Variants in DRD2 observed in about 807,000 individuals in gnomAD.
DRD2 encodes D(2) dopamine receptor.
A neutral mutation model predicts 38.0 loss-of-function variants in DRD2; 8 were observed. The observed-to-expected ratio is 0.21, with a 90% CI of 0.12 to 0.38. DRD2 has a LOEUF of 0.38. Ranked by LOEUF, DRD2 falls within the 10% of genes least tolerant of loss-of-function variation. The probability of loss-of-function intolerance (pLI) is 1.00; values close to 1 mark genes in which losing one functional copy is unlikely to be tolerated. For missense variants in DRD2, 403 were observed against 607.7 expected (o/e 0.66, Z 3.54); for synonymous variants, 230 against 238.6 (o/e 0.96, Z 0.33).
chr11:113,426,264 G>T (rs373117595), intron 1 of DRD2, among the ~76,000 whole-genome samples: 143 of 152,146 alleles, frequency 9.4e-4, no homozygotes, highest in African/African-American at 3.1e-3. Context: ...GCTCTGGGAG[G>T]CTGGTGTCGC....
At chr11:113,429,750 A>C (rs1373304801) in intron 1 of DRD2, among the ~76,000 whole-genome samples, 1 of 152,188 alleles carries the variant, frequency 6.6e-6, no homozygotes, top group Non-Finnish European at 1.5e-5. Context: ...TGCTAGTATA[A>C]CATTCGAGTT....
At chr11:113,439,646 C>T (rs575928160) in intron 1 of DRD2, among the ~76,000 whole-genome samples, 153 of 151,608 alleles carry the variant, frequency 1.0e-3, no homozygotes, top group African/African-American at 3.0e-3. Context: ...TCGAGACCAG[C>T]CTGGCCAACA....
chr11:113,414,259 G>A (rs1285893076), intron 6 of DRD2, 116 bp downstream of exon 6: 2 of 944,124 alleles, frequency 2.1e-6, no homozygotes, highest in South Asian at 1.3e-5. Flanking sequence ...GAGGCAAGGT[G>A]GGGGTTTCTG....
intron 1 of DRD2, among the ~76,000 whole-genome samples, chr11:113,452,064 T>C (rs764169356): frequency 7.0e-4 from 106 of 152,244 alleles, no homozygotes; most frequent in Admixed American, 1.2e-3. Flanking sequence ...CCAAGAGGCC[T>C]GCAGGAAAGC....
chr11:113,450,318 C>T (rs1265278593), intron 1 of DRD2, among the ~76,000 whole-genome samples: 1 of 152,168 alleles, frequency 6.6e-6, no homozygotes, highest in African/African-American at 2.4e-5. Flanking sequence ...CATTGTTGTG[C>T]TTTTTGAAGG....
At chr11:113,413,033 A>T (rs1391599486) in intron 6 of DRD2, 150 bp from the exon 7 acceptor site, 18 of 914,670 alleles carry the variant, frequency 2.0e-5, no homozygotes, top group African/African-American at 3.3e-5. Context: ...TCACTGAGGC[A>T]TGGGACCCAG....
At chr11:113,444,180 C>A (rs1472273029) in intron 1 of DRD2, among the ~76,000 whole-genome samples, 1 of 152,190 alleles carries the variant, frequency 6.6e-6, no homozygotes, top group African/African-American at 2.4e-5. Context: ...AGATCACAGG[C>A]ATGCACCACC....
chr11:113,412,870 C>T lies in DRD2; in HGVS notation c.824G>A (p.Arg275Gln), dbSNP rs765422808. The change falls in exon 7 of 8, where the codon CGA becomes CAA. Residue 275 changes from arginine (R) to glutamine (Q), a missense_variant. Physicochemically the swap from Arg to Gln is conservative, Grantham distance 43 (BLOSUM62 1). Coordinates refer to ENST00000362072, the MANE Select transcript of DRD2 (RefSeq NM_000795.4). ...CATCTCCATCTCCAGCTCCTGGGCT[C>T]GCCGGGCAGCCTCCTGCACCAGAGG... ...VNRRRVEAAR[R>Q]AQELEMEMLS... The T allele has an allele frequency of 3.1e-6, 5 of 1,611,340 alleles. No individual in the cohort carries two copies. Among genetic ancestry groups the T allele is most frequent in the South Asian group, 1.1e-5 (1 of 90,968 alleles).
At chr11:113,445,895 T>C (rs528052427) in intron 1 of DRD2, among the ~76,000 whole-genome samples, 2 of 152,340 alleles carry the variant, frequency 1.3e-5, no homozygotes, top group East Asian at 1.9e-4. Context: ...AAGCTCAGCC[T>C]GTCTCCAGAG....
At chr11:113,414,581 G>T (rs1950804150) in intron 5 of DRD2, 120 bp from the exon 6 acceptor site, 3 of 1,008,756 alleles carry the variant, frequency 3.0e-6, no homozygotes, top group Admixed American at 1.8e-5. Context: ...GATCAGGAGG[G>T]TGGGGGCCAG....
At chr11:113,438,747 G>A (rs1316046826) in intron 1 of DRD2, among the ~76,000 whole-genome samples, 2 of 152,158 alleles carry the variant, frequency 1.3e-5, no homozygotes, top group African/African-American at 4.8e-5. Context: ...AACCTTCCTG[G>A]TAAATCTAAG....
At chr11:113,421,847 A>C (rs1382094317) in intron 2 of DRD2, among the ~76,000 whole-genome samples, 1 of 152,196 alleles carries the variant, frequency 6.6e-6, no homozygotes, top group Non-Finnish European at 1.5e-5. Context: ...AACAAGGCTC[A>C]GTGCCCAGCT....
intron 1 of DRD2, among the ~76,000 whole-genome samples, chr11:113,459,494 A>G (rs1211603444): frequency 6.6e-6 from 1 of 152,232 alleles, no homozygotes; most frequent in Non-Finnish European, 1.5e-5. Context: ...CAGAACTGAG[A>G]CTAGAACCTA....
At position 113,475,299 on chromosome 11, in the gene DRD2, G is replaced by A. The variant is rs1951472288; in HGVS notation, c.-255C>T. ...AGCAGTGGACGGGCCGCGGCGGGGC[G>A]GGGCGGGGCGGGGCCGGGCGCGGGG... On this transcript the variant is annotated 5_prime_UTR_variant, in exon 1 of 8. Coordinates refer to ENST00000362072, the MANE Select transcript of DRD2 (RefSeq NM_000795.4). 1 of 147,816 alleles carries A rather than the reference G, an allele frequency of 6.8e-6. No homozygotes were observed. The highest frequency in any genetic ancestry group is 1.5e-5 in the Non-Finnish European group (1 of 66,078). 9.2% of individuals were successfully genotyped at this position (147,816 alleles called of 1,614,324 possible).
Position 113,453,404 on chromosome 11 carries a change from G to A in DRD2, c.-32+21672C>T, listed in dbSNP as rs148112857. Among the ~76,000 whole-genome samples the A allele has an allele frequency of 5.1e-3, 775 of 152,242 alleles. 13 individuals carry two copies. The highest frequency in any genetic ancestry group is 0.018 in the African/African-American group (738 of 41,540). On this transcript the variant is annotated intron_variant, in intron 1 of 7. Transcript: ENST00000362072. The stretch of plus-strand genomic sequence containing the variant: ...GATACTGATGCCTGGTATACCATAC[G>A]CACTCAGTCCGTGTTAACTATTTTA...
At chr11:113,449,420 G>C (rs1018093820) in intron 1 of DRD2, among the ~76,000 whole-genome samples, 2 of 152,300 alleles carry the variant, frequency 1.3e-5, no homozygotes, top group African/African-American at 4.8e-5. Context: ...AGGTGAGACA[G>C]GAAGGCCTTG....
chr11:113,466,703 G>A (rs988468726), intron 1 of DRD2, among the ~76,000 whole-genome samples: 3 of 152,166 alleles, frequency 2.0e-5, no homozygotes, highest in Non-Finnish European at 2.9e-5. Context: ...TCGCTATGGG[G>A]AAGTAAGCTG....
intron 1 of DRD2, among the ~76,000 whole-genome samples, chr11:113,464,395 A>G (rs1415209735): frequency 6.6e-6 from 1 of 152,040 alleles, no homozygotes; most frequent in East Asian, 1.9e-4. Flanking sequence ...TCAGGTGCCC[A>G]CCAACCATTT....
In DRD2 at chr11:113,412,607, G is replaced by A. The variant is rs201735014; in HGVS notation, c.1087C>T (p.Leu363Phe). The A allele has an allele frequency of 3.7e-6, 6 of 1,614,068 alleles. No individual in the cohort carries two copies. Among genetic ancestry groups the A allele is most frequent in the Admixed American group, 1.7e-5 (1 of 59,998 alleles). The change falls in exon 7 of 8, where the codon CTC (leucine) becomes TTC (phenylalanine). Residue 363 changes from leucine (L) to phenylalanine (F), a missense_variant. Physicochemically the swap from Leu to Phe is conservative, Grantham distance 22 (BLOSUM62 0). Coordinates refer to ENST00000362072, the MANE Select transcript of DRD2 (RefSeq NM_000795.4). ...TSLKTMSRRK[L>F]SQQKEKKATQ... ...GCTTTCTTCTCCTTCTGCTGGGAGAGCTTCCTACGGCTCATGGTCTTGAGG... is the reference window on the plus strand; with the variant it reads ...GCTTTCTTCTCCTTCTGCTGGGAGAACTTCCTACGGCTCATGGTCTTGAGG...
Sources: gnomAD v4.1 joint callset for allele counts (sites outside exome capture counted in the v4.1 genomes callset) on GRCh38, gnomAD v4.1.1 for gene constraint, MANE v1.5 for transcripts, NCBI Gene and HGNC (gene_info 2026-07-23, HGNC 2026-07-21) for gene names.